Variants in WNT10A observed in about 807,000 individuals in gnomAD.
The protein encoded by WNT10A is protein Wnt-10a.
WNT10A carries 37 observed loss-of-function variants against 36.1 expected under a neutral mutation model. The ratio of observed to expected loss-of-function variants is 1.02; its 90% confidence interval spans 0.79 to 1.35. The LOEUF is 1.35. Among genes scored for constraint, WNT10A ranks in the 40% most tolerant of loss-of-function variants. WNT10A has a pLI of 0.00. For missense variants in WNT10A, 613 were observed against 601.4 expected, an observed-to-expected ratio of 1.02 and a Z score of -0.20; for synonymous variants, 255 against 254.1, an observed-to-expected ratio of 1.00 and a Z score of -0.03.
chr2:218,892,583 G>GAGAGGC lies in WNT10A; in HGVS notation c.757-175_757-170dup, dbSNP rs569060678. The stretch of plus-strand genomic sequence containing the variant: ...GCCTGGCCTGGTGGGAGGTGGGTGG[G>GAGAGGC]AGAGGCAGAGGCAGAGGCAGAAGAG... On this transcript the variant is annotated intron_variant, in intron 3 of 3. Transcript: ENST00000258411. Among the ~76,000 whole-genome samples, 297 of 152,322 alleles carry GAGAGGC rather than the reference G, an allele frequency of 1.9e-3. 3 individuals carry two copies. Among genetic ancestry groups the GAGAGGC allele is most frequent in the Middle Eastern group, 6.8e-3 (2 of 294 alleles).
At position 218,892,834 on chromosome 2, in the gene WNT10A, C is replaced by T. The variant is rs111903177; in HGVS notation, c.817C>T (p.Leu273Phe). The T allele has an allele frequency of 1.3e-6, 2 of 1,595,902 alleles. No individual in the cohort carries two copies. The highest frequency in any genetic ancestry group is 2.3e-5 in the South Asian group (2 of 88,286). The change falls in exon 4 of 4, where the codon CTC (leucine) becomes TTC (phenylalanine). Residue 273 changes from leucine (L) to phenylalanine (F), a missense_variant. By Grantham distance (22) the Leu-to-Phe change is conservative (BLOSUM62 0). Transcript: ENST00000258411. ...CCACGGCACGTCAGGCAGCTGCCAG[C>T]TCAAGACGTGCTGGCAGGTGACGCC... ...KCHGTSGSCQ[L>F]KTCWQVTPEF...
chr2:218,890,274 C>A lies in WNT10A; in HGVS notation c.667C>A (p.Arg223Ser), dbSNP rs149245953. 38 of 1,610,964 alleles carry A rather than the reference C, an allele frequency of 2.4e-5. No individual in the cohort carries two copies. In the African/African-American group the frequency reaches 4.8e-4, roughly 20 times the overall value. ...GCSPDMGFGERFSKDFLDSRE... is the reference protein window; with the variant it reads ...GCSPDMGFGESFSKDFLDSRE... ...CAGCCCCGACATGGGCTTCGGGGAG[C>A]GCTTTTCTAAGGACTTTCTGGACTC... The change falls in exon 3 of 4, where the codon CGC becomes AGC. Residue 223 changes from arginine to serine, a missense_variant. Physicochemically the swap from Arg to Ser is moderately radical, Grantham distance 110. Transcript: ENST00000258411.
At chr2:218,884,936 C>T (rs748464580) in intron 2 of WNT10A, among the ~76,000 whole-genome samples, 9 of 152,222 alleles carry the variant, frequency 5.9e-5, no homozygotes, top group Non-Finnish European at 1.3e-4. Flanking sequence ...CATGTTTAAA[C>T]TTCAGACACT....
chr2:218,886,633 C>G (rs1309890103), intron 2 of WNT10A, among the ~76,000 whole-genome samples: 1 of 136,562 alleles, frequency 7.3e-6, no homozygotes, highest in East Asian at 2.7e-4. Context: ...CCCCCACCCA[C>G]CCCCCCACCG....
chr2:218,879,161 G>A (rs190368240), upstream of WNT10A, among the ~76,000 whole-genome samples: 62 of 151,580 alleles, frequency 4.1e-4, no homozygotes, highest in African/African-American at 1.5e-3. Context: ...GGGGAAAGGA[G>A]GGGGGAGTAT....
At chr2:218,888,761 A>G (rs1944612020) in intron 2 of WNT10A, among the ~76,000 whole-genome samples, 1 of 152,220 alleles carries the variant, frequency 6.6e-6, no homozygotes, top group Non-Finnish European at 1.5e-5. Flanking sequence ...GCACGCACCC[A>G]GCAGGCTATC....
At chr2:218,879,313 T>G (rs895881305), upstream of WNT10A, among the ~76,000 whole-genome samples, 1 of 152,160 alleles carries the variant, frequency 6.6e-6, no homozygotes, top group Non-Finnish European at 1.5e-5. Context: ...GAGGCTCCCA[T>G]AGTTTTGTTC....
At chr2:218,883,925 C>A (rs1326027568) in intron 2 of WNT10A, 1 of 152,398 alleles carries the variant, frequency 6.6e-6, no homozygotes, top group Non-Finnish European at 1.5e-5. Context: ...CCGCCGCGGG[C>A]CCGCTCCTAC....
intron 2 of WNT10A, among the ~76,000 whole-genome samples, 153 bp from the exon 3 acceptor site, chr2:218,889,831 G>A (rs374771479): frequency 6.2e-4 from 95 of 152,328 alleles, no homozygotes; most frequent in African/African-American, 2.1e-3. Context: ...GGCTTCTGGC[G>A]TGATTTCTGC....
chr2:218,892,707 A>G, intron 3 of WNT10A, 67 bp from the exon 4 acceptor site: 1 of 1,544,434 alleles, frequency 6.5e-7, no homozygotes, highest in Non-Finnish European at 8.7e-7. Flanking sequence ...GAAGCAGGCC[A>G]GGCTAAGCGC....
chr2:218,886,513 C>T (rs1467718409), intron 2 of WNT10A, among the ~76,000 whole-genome samples: 1 of 152,236 alleles, frequency 6.6e-6, no homozygotes, highest in East Asian at 1.9e-4. Context: ...CAGCCCCTTC[C>T]CAGCCGTTGG....
intron 2 of WNT10A, among the ~76,000 whole-genome samples, chr2:218,883,067 C>A (rs1944536354): frequency 6.6e-6 from 1 of 152,238 alleles, no homozygotes; most frequent in Admixed American, 6.5e-5. Flanking sequence ...AAGCTGCAGT[C>A]CATTCCCTGT....
intron 1 of WNT10A, among the ~76,000 whole-genome samples, chr2:218,881,742 G>A (rs1944519153): frequency 6.6e-6 from 1 of 152,174 alleles, no homozygotes; most frequent in African/African-American, 2.4e-5. Flanking sequence ...GTGTGCATGT[G>A]CGTAAGTGTG....
intron 1 of WNT10A, 29 bp from the exon 2 acceptor site, chr2:218,882,132 C>T (rs770785171): frequency 1.2e-4 from 186 of 1,607,756 alleles, no homozygotes; most frequent in Non-Finnish European, 1.4e-4. Flanking sequence ...CCCCAAAACA[C>T]GTACCCACTC....
At chr2:218,883,216 G>T (rs1383996824) in intron 2 of WNT10A, among the ~76,000 whole-genome samples, 3 of 152,122 alleles carry the variant, frequency 2.0e-5, no homozygotes, top group Non-Finnish European at 2.9e-5. Flanking sequence ...TTTTGGGAAG[G>T]ATGGGGGCCC....
upstream of WNT10A, chr2:218,880,726 G>T (rs774035749): frequency 4.8e-6 from 2 of 417,340 alleles, no homozygotes; most frequent in Non-Finnish European, 4.3e-6. The surrounding 1 kb of genome is among the most constrained non-coding windows in gnomAD (Gnocchi z 7.7). Context: ...GTTGTCGCGG[G>T]GGGGCCTCGG....
the WNT10A span, among the ~76,000 whole-genome samples, chr2:218,875,159 C>CTTTTTTTTTTTTTT: frequency 3.0e-4 from 11 of 36,864 alleles, 3 homozygotes; most frequent in East Asian, 2.0e-3. Context: ...GACTGACTTT[C>CTTTTTTTTTTTTTT]TTTTTTTTTT....
upstream of WNT10A, chr2:218,880,279 T>A (rs1553622051): frequency 6.6e-6 from 1 of 151,860 alleles, no homozygotes; most frequent in Non-Finnish European, 1.5e-5. The surrounding 1 kb of genome is among the most constrained non-coding windows in gnomAD (Gnocchi z 7.7). Context: ...GTAACACATA[T>A]CCCCCACACA....
chr2:218,881,268 G>A (rs1462816424), intron 1 of WNT10A, among the ~76,000 whole-genome samples, 160 bp downstream of exon 1: 2 of 152,220 alleles, frequency 1.3e-5, no homozygotes, highest in Non-Finnish European at 2.9e-5. Context: ...TCCCTCATAG[G>A]AGGGGGTTGG....
Sources: allele counts gnomAD v4.1 joint callset (sites outside exome capture counted in the v4.1 genomes callset), GRCh38; gene constraint gnomAD v4.1.1; non-coding constraint Gnocchi (gnomAD v3.1); transcripts MANE v1.5; gene names NCBI Gene and HGNC (gene_info 2026-07-23, HGNC 2026-07-21).